The following MYT1L variants were observed in gnomAD, a reference collection of about 807,000 sequenced individuals.
MYT1L encodes the protein myelin transcription factor 1-like protein.
Under a neutral mutation model 126.7 loss-of-function variants are expected in MYT1L, and 12 were observed. That is an observed-to-expected ratio of 0.09 (90% CI 0.06 to 0.15). MYT1L has a LOEUF of 0.15. MYT1L is among the 10% of genes least tolerant of loss of function. MYT1L has a pLI of 1.00. For missense variants in MYT1L, 979 were observed against 1,585.2 expected (o/e 0.62, Z 6.49); for synonymous variants, 541 against 604.2 (o/e 0.90, Z 1.53).
chr2:2,163,664 G>A (rs1250486405), intron 3 of MYT1L, among the ~76,000 whole-genome samples: 6 of 151,800 alleles, frequency 4.0e-5, no homozygotes, highest in Non-Finnish European at 5.9e-5. Flanking sequence ...CCCAGGAGGC[G>A]GGGCTTGCAG....
At chr2:1,850,783 G>T (rs62114690) in intron 19 of MYT1L, among the ~76,000 whole-genome samples, 7,622 of 152,078 alleles carry the variant, frequency 0.05, 209 homozygotes, top group South Asian at 0.1. Flanking sequence ...AGTCCGTCTG[G>T]CCAGAAATCC....
intron 2 of MYT1L, among the ~76,000 whole-genome samples, chr2:2,233,294 A>C (rs1216803141): frequency 6.6e-6 from 1 of 152,216 alleles, no homozygotes; most frequent in African/African-American, 2.4e-5. Context: ...GGATCCAAAA[A>C]GGAAGCAGAG....
chr2:2,146,487 T>G (rs1296506651), intron 3 of MYT1L, among the ~76,000 whole-genome samples: 1 of 152,180 alleles, frequency 6.6e-6, no homozygotes, highest in Non-Finnish European at 1.5e-5. Context: ...GGGTCCTGCC[T>G]CCCTTCCTGG....
intron 4 of MYT1L, among the ~76,000 whole-genome samples, chr2:2,037,925 C>A (rs116529423): frequency 7.2e-5 from 11 of 152,094 alleles, no homozygotes; most frequent in African/African-American, 2.7e-4. Flanking sequence ...CACTGTGTAA[C>A]CTCCCCTAAC....
chr2:1,961,265 T>A (rs926730724), intron 8 of MYT1L, among the ~76,000 whole-genome samples: 1 of 152,208 alleles, frequency 6.6e-6, no homozygotes, highest in African/African-American at 2.4e-5. Flanking sequence ...CACCATGCAA[T>A]GTATCCGTGT....
At chr2:1,854,022 CCTT>C (rs1220014349) in intron 18 of MYT1L, among the ~76,000 whole-genome samples, 1 of 152,066 alleles carries the variant, frequency 6.6e-6, no homozygotes, top group Non-Finnish European at 1.5e-5. Flanking sequence ...GTTTATGTGT[CCTT>C]CTTGTTATAG....
intron 3 of MYT1L, among the ~76,000 whole-genome samples, chr2:2,140,835 T>C (rs1193923046): frequency 2.6e-5 from 4 of 152,200 alleles, no homozygotes; most frequent in South Asian, 4.1e-4. Context: ...TCCCAAAGTG[T>C]TGGGATTATA....
At chr2:2,090,972 G>C (rs1010765769) in intron 3 of MYT1L, among the ~76,000 whole-genome samples, 4 of 152,132 alleles carry the variant, frequency 2.6e-5, no homozygotes, top group African/African-American at 9.7e-5. Context: ...TCTAATTTTA[G>C]TTCTCTTGCT....
chr2:2,076,598 T>C (rs1348172306), intron 3 of MYT1L, among the ~76,000 whole-genome samples: 1 of 151,916 alleles, frequency 6.6e-6, no homozygotes, highest in Non-Finnish European at 1.5e-5. Context: ...TGCACAATAC[T>C]CAGAATCTCC....
At chr2:1,831,769 C>T (rs546952537) in intron 21 of MYT1L, among the ~76,000 whole-genome samples, 86 of 152,282 alleles carry the variant, frequency 5.6e-4, no homozygotes, top group Non-Finnish European at 9.3e-4. Flanking sequence ...CCATGCAACT[C>T]TGTCTTCATC....
intron 2 of MYT1L, among the ~76,000 whole-genome samples, chr2:2,185,852 G>T (rs1367929819): frequency 7.9e-6 from 1 of 125,916 alleles, no homozygotes; most frequent in African/African-American, 3.2e-5. Context: ...GGACGCAGCC[G>T]GGCCTCCCAG....
chr2:2,296,743 C>T (rs2095700587), intron 1 of MYT1L, among the ~76,000 whole-genome samples: 1 of 152,140 alleles, frequency 6.6e-6, no homozygotes. Flanking sequence ...ATGCGTCCCT[C>T]TAGTAAAGAG....
intron 18 of MYT1L, among the ~76,000 whole-genome samples, chr2:1,877,734 C>A (rs2047089859): frequency 6.6e-6 from 1 of 151,616 alleles, no homozygotes; most frequent in African/African-American, 2.4e-5. Flanking sequence ...ACTCTGCTTG[C>A]TCTCAGTTGG....
At chr2:2,058,380 G>A (rs190983160) in intron 3 of MYT1L, among the ~76,000 whole-genome samples, 6 of 152,108 alleles carry the variant, frequency 3.9e-5, no homozygotes, top group South Asian at 2.1e-4. Flanking sequence ...TTGTCTTTTC[G>A]TTGTCTTAAC....
At chr2:1,833,089 C>T (rs1333277104) in intron 21 of MYT1L, among the ~76,000 whole-genome samples, 6 of 152,194 alleles carry the variant, frequency 3.9e-5, no homozygotes, top group Admixed American at 2.0e-4. Context: ...TCTCCTCGGG[C>T]ACAGACCCCA....
chr2:2,043,926 A>C (rs2067851841), intron 4 of MYT1L, among the ~76,000 whole-genome samples: 1 of 152,260 alleles, frequency 6.6e-6, no homozygotes, highest in Non-Finnish European at 1.5e-5. Flanking sequence ...GAGAGAAGAC[A>C]CGATTTTTAT....
chr2:2,205,992 T>TC (rs1386365144), intron 2 of MYT1L, among the ~76,000 whole-genome samples: 7 of 151,682 alleles, frequency 4.6e-5, no homozygotes, highest in African/African-American at 1.5e-4. Context: ...TTCTTTCTTT[T>TC]TTTTTTTTGA....
chr2:1,925,779 C>G (rs2149129225), intron 9 of MYT1L, among the ~76,000 whole-genome samples: 1 of 152,296 alleles, frequency 6.6e-6, no homozygotes, highest in South Asian at 2.1e-4. Flanking sequence ...ATTAGAAGTT[C>G]TACAGCTCGG....
intron 2 of MYT1L, among the ~76,000 whole-genome samples, chr2:2,254,365 AT>A (rs1222142022): frequency 6.6e-6 from 1 of 152,174 alleles, no homozygotes; most frequent in Non-Finnish European, 1.5e-5. Flanking sequence ...GGAACAACTC[AT>A]TCAGCAGCTA....
Sources: allele counts gnomAD v4.1 joint callset (sites outside exome capture counted in the v4.1 genomes callset), GRCh38; gene constraint gnomAD v4.1.1; transcripts MANE v1.5; gene names NCBI Gene and HGNC (gene_info 2026-07-23, HGNC 2026-07-21).